The following MYO5A variants were observed in gnomAD, a reference collection of about 807,000 sequenced individuals.
MYO5A encodes myosin VA, also known as unconventional myosin-Va.
A neutral mutation model predicts 249.7 loss-of-function variants in MYO5A; 98 were observed. That is an observed-to-expected ratio of 0.39 (90% confidence interval 0.33 to 0.46). The LOEUF is 0.46. Among genes scored for constraint, MYO5A ranks in the 20% least tolerant of loss-of-function variants. The pLI, the probability that MYO5A is intolerant of heterozygous loss-of-function variation, is 0.98. For missense variants in MYO5A, 1,696 were observed against 2,308.8 expected (o/e 0.73, Z 5.44); for synonymous variants, 778 against 810.6 (o/e 0.96, Z 0.68).
chr15:52,509,583 C>T (rs2077349057), intron 1 of MYO5A, among the ~76,000 whole-genome samples: 1 of 152,226 alleles, frequency 6.6e-6, no homozygotes, highest in Admixed American at 6.5e-5. Flanking sequence ...TTGTCCCATA[C>T]TTGTAACACA....
chr15:52,351,832 A>G (rs568755613), intron 27 of MYO5A, among the ~76,000 whole-genome samples: 68 of 152,308 alleles, frequency 4.5e-4, no homozygotes, highest in African/African-American at 1.5e-3. Context: ...GCAGATAAAT[A>G]TATGGGAAAT....
At position 52,311,238 on chromosome 15, in the gene MYO5A, C is replaced by A. The variant is rs2037761661; in HGVS notation, c.*2458G>T. 6.6e-6 allele frequency: 1 copy of A among 152,294 alleles called. No homozygotes were observed. Among genetic ancestry groups the A allele is most frequent in the South Asian group, 2.1e-4 (1 of 4,830 alleles). 9.4% of individuals were successfully genotyped at this position (152,294 alleles called of 1,614,324 possible). A position where few individuals can be genotyped will look rare whatever the true frequency, so the allele number is the denominator to read the frequency against. ...GGAAGACCTGAGAAGATTCAGGGTG[C>A]ACGTTGAGTCGTGCTACACAGGATG... On this transcript the variant is annotated 3_prime_UTR_variant, in exon 42 of 42. Coordinates refer to ENST00000399233, the MANE Select transcript of MYO5A (RefSeq NM_001382347.1).
intron 1 of MYO5A, among the ~76,000 whole-genome samples, chr15:52,501,723 G>T (rs1336091630): frequency 6.6e-6 from 1 of 151,946 alleles, no homozygotes; most frequent in African/African-American, 2.4e-5. Flanking sequence ...TAACAATTCA[G>T]ATATTACATA....
intron 25 of MYO5A, among the ~76,000 whole-genome samples, chr15:52,356,823 T>TTTTTTC (rs1555432798): frequency 7.8e-6 from 1 of 127,786 alleles, no homozygotes; most frequent in African/African-American, 4.3e-5. Context: ...TTTTTTATTT[T>TTTTTTC]CAGGAATTGT....
At position 52,309,706 on chromosome 15, in the gene MYO5A, G is replaced by T. The variant is rs987079615; in HGVS notation, c.*3990C>A. On this transcript the variant is annotated 3_prime_UTR_variant, in exon 42 of 42. Transcript: ENST00000399233. Reference sequence around the variant, plus strand: ...AAAGCGCCGCAGGAAAGCATATCTGGACCCAGGTACTGTTTCTGCATTACT... The same window carrying T: ...AAAGCGCCGCAGGAAAGCATATCTGTACCCAGGTACTGTTTCTGCATTACT... The T allele has an allele frequency of 1.3e-5, 2 of 152,246 alleles. No homozygotes were observed. Among genetic ancestry groups the T allele is most frequent in the Non-Finnish European group, 2.9e-5 (2 of 68,072 alleles). 9.4% of individuals were successfully genotyped at this position (152,246 alleles called of 1,614,324 possible).
chr15:52,416,055 G>A (rs2043467710), intron 5 of MYO5A, 90 bp downstream of exon 5: 3 of 1,467,496 alleles, frequency 2.0e-6, no homozygotes, highest in South Asian at 2.3e-5. Context: ...GAGACCCCAG[G>A]CTTTCTGAGA....
Position 52,524,643 on chromosome 15 carries a change from G to A in MYO5A, c.27+4137C>T, listed in dbSNP as rs528458565. On this transcript the variant is annotated intron_variant, in intron 1 of 41. Coordinates refer to ENST00000399233, the MANE Select transcript of MYO5A (RefSeq NM_001382347.1). ...CCTGTAATCCCACACTATGGGAGGT[G>A]GAAGCAGGAGGATCACTTGAGTCCA... is the stretch of plus-strand genomic sequence containing the variant. Among the ~76,000 whole-genome samples, 11 of 151,872 alleles carry A rather than the reference G, an allele frequency of 7.2e-5. No homozygotes were observed. The East Asian group carries it at 2.1e-3, about 29-fold the overall frequency.
intron 16 of MYO5A, among the ~76,000 whole-genome samples, chr15:52,380,548 C>T (rs8033626): frequency 0.46 from 70,272 of 151,892 alleles, 20,309 homozygotes; most frequent in Non-Finnish European, 0.62. Context: ...GCAGGCGGAT[C>T]ACGAGGTCAG....
intron 1 of MYO5A, among the ~76,000 whole-genome samples, chr15:52,496,922 C>T (rs972681075): frequency 3.3e-5 from 5 of 152,100 alleles, no homozygotes; most frequent in Admixed American, 2.0e-4. Context: ...AGTCAGTCAC[C>T]GATATAGGCT....
At chr15:52,376,927 C>T (rs2041445906) in intron 18 of MYO5A, among the ~76,000 whole-genome samples, 1 of 152,098 alleles carries the variant, frequency 6.6e-6, no homozygotes, top group South Asian at 2.1e-4. Flanking sequence ...TTACAGCGGG[C>T]TGTATATTCC....
Position 52,336,493 on chromosome 15 carries a change from CTTTCAGTTG to C in MYO5A, c.4369_4377del (p.Gln1457_Lys1459del), listed in dbSNP as rs1567030463. 6.2e-7 allele frequency: 1 copy of C among 1,605,224 alleles called. No individual in the cohort carries two copies. Among genetic ancestry groups the C allele is most frequent in the Non-Finnish European group, 8.5e-7 (1 of 1,174,370 alleles). ...AGTTCGCCAATTTTTTTGGCAAATACTTTCAGTTGTTTTTTCAGTTTACGGACCGTCTTA... is the reference window on the plus strand; with the variant it reads ...AGTTCGCCAATTTTTTTGGCAAATACTTTTTTCAGTTTACGGACCGTCTTA... On this transcript the variant is annotated inframe_deletion, in exon 34 of 42. Transcript: ENST00000399233.
At position 52,340,404 on chromosome 15, in the gene MYO5A, G is replaced by A. The variant is rs2039322412; in HGVS notation, c.4041-10C>T. The stretch of plus-strand genomic sequence containing the variant: ...CTGGGATTCCAGGAGCCTGCGGAGA[G>A]GACACATGGGTCGGAAGGGGAGACG... On this transcript the variant is annotated splice_polypyrimidine_tract_variant and intron_variant, in intron 31 of 41. Coordinates refer to ENST00000399233, the MANE Select transcript of MYO5A (RefSeq NM_001382347.1). The A allele has an allele frequency of 1.9e-6, 3 of 1,610,638 alleles. No homozygotes were observed.
chr15:52,478,350 TTGTGCTTCCTGGGTGAGGCGA>T (rs2076643085), intron 1 of MYO5A, among the ~76,000 whole-genome samples: 1 of 152,208 alleles, frequency 6.6e-6, no homozygotes, highest in South Asian at 2.1e-4. Context: ...CCCCGACCCC[TTGTGCTTCCTGGGTGAGGCGA>T]TGCCTCACCC....
intron 5 of MYO5A, among the ~76,000 whole-genome samples, chr15:52,411,283 C>T (rs960447556): frequency 3.3e-5 from 5 of 152,250 alleles, no homozygotes; most frequent in Middle Eastern, 3.4e-3. Flanking sequence ...TATCCTGTGG[C>T]AACAAAGGTC....
intron 9 of MYO5A, among the ~76,000 whole-genome samples, chr15:52,398,991 A>G (rs2042615246): frequency 6.6e-6 from 1 of 152,190 alleles, no homozygotes; most frequent in South Asian, 2.1e-4. Context: ...TCCGTCTCAA[A>G]AAAAAAAATT....
At chr15:52,514,068 A>G (rs2077450080) in intron 1 of MYO5A, among the ~76,000 whole-genome samples, 2 of 152,256 alleles carry the variant, frequency 1.3e-5, no homozygotes. Flanking sequence ...ATAAATAAAT[A>G]AGATGATTTG....
intron 34 of MYO5A, among the ~76,000 whole-genome samples, chr15:52,334,605 C>T (rs1398814358): frequency 6.6e-6 from 1 of 152,148 alleles, no homozygotes; most frequent in East Asian, 1.9e-4. Flanking sequence ...AGAGTAATAT[C>T]CTTTACAAAG....
At chr15:52,392,181 CCT>C in intron 11 of MYO5A, 111 bp from the exon 12 acceptor site, 1 of 1,060,578 alleles carries the variant, frequency 9.4e-7, no homozygotes, top group Non-Finnish European at 1.4e-6. Context: ...ACAACAACAA[CCT>C]CACGGGAGAA....
At chr15:52,433,405 GA>G (rs2075585115) in intron 1 of MYO5A, 120 bp from the exon 2 acceptor site, 1 of 422,756 alleles carries the variant, frequency 2.4e-6, no homozygotes, top group African/African-American at 2.2e-5. Flanking sequence ...TGGCCAACAT[GA>G]AATTCACTTT....
Sources: gnomAD v4.1 joint callset for allele counts (sites outside exome capture counted in the v4.1 genomes callset) on GRCh38, gnomAD v4.1.1 for gene constraint, MANE v1.5 for transcripts, NCBI Gene and HGNC (gene_info 2026-07-23, HGNC 2026-07-21) for gene names.